The following OSBPL10 variants were observed in gnomAD, a reference collection of about 807,000 sequenced individuals.
The protein encoded by OSBPL10 is oxysterol-binding protein-related protein 10.
OSBPL10 carries 49 observed loss-of-function variants against 81.7 expected under a neutral mutation model. That is an observed-to-expected ratio of 0.60 (90% confidence interval 0.48 to 0.76). The LOEUF is 0.76. OSBPL10 is among the 30% of genes least tolerant of loss of function. The probability of loss-of-function intolerance (pLI) is 0.00; values close to 1 mark genes in which losing one functional copy is unlikely to be tolerated. For missense variants in OSBPL10, 923 were observed against 987.8 expected (o/e 0.93, Z 0.88); for synonymous variants, 419 against 383.6 (o/e 1.09, Z -1.08).
chr3:31,808,636 T>C (rs2125467286), intron 4 of OSBPL10, among the ~76,000 whole-genome samples: 1 of 152,298 alleles, frequency 6.6e-6, no homozygotes, highest in South Asian at 2.1e-4. Context: ...AATTTCAAAT[T>C]AAATAGAAAG....
intron 6 of OSBPL10, among the ~76,000 whole-genome samples, chr3:31,717,578 T>A (rs890955558): frequency 6.6e-6 from 1 of 152,148 alleles, no homozygotes; most frequent in Non-Finnish European, 1.5e-5. Context: ...AATGCCCCAT[T>A]ATAAAGCTGC....
chr3:31,962,682 G>C (rs1559533674), intron 1 of OSBPL10, among the ~76,000 whole-genome samples: 1 of 152,168 alleles, frequency 6.6e-6, no homozygotes, highest in Admixed American at 6.5e-5. Flanking sequence ...TGTAACGCAA[G>C]CTCCCTGAGA....
intron 1 of OSBPL10, among the ~76,000 whole-genome samples, chr3:31,939,184 G>A (rs1473246907): frequency 7.8e-5 from 10 of 127,520 alleles, no homozygotes; most frequent in Admixed American, 1.9e-4. Context: ...TCACTCTGTC[G>A]CCCAGGCTGG....
At chr3:31,685,107 G>C (rs1700758533) in intron 7 of OSBPL10, among the ~76,000 whole-genome samples, 1 of 152,162 alleles carries the variant, frequency 6.6e-6, no homozygotes, top group African/African-American at 2.4e-5. Context: ...AAACTGGGAA[G>C]CCCATAACTC....
chr3:31,864,383 A>G (rs770688867), intron 3 of OSBPL10, among the ~76,000 whole-genome samples: 10 of 152,098 alleles, frequency 6.6e-5, no homozygotes, highest in Non-Finnish European at 1.5e-4. Context: ...CTGGTATGAC[A>G]GACACACGCC....
At chr3:31,672,365 G>C (rs1464297087) in intron 8 of OSBPL10, among the ~76,000 whole-genome samples, 6 of 122,406 alleles carry the variant, frequency 4.9e-5, no homozygotes, top group African/African-American at 1.2e-4. Flanking sequence ...CGGGGGCGGG[G>C]GGGGGGGCAG....
At chr3:31,831,806 C>G (rs1700250119) in intron 3 of OSBPL10, among the ~76,000 whole-genome samples, 1 of 152,154 alleles carries the variant, frequency 6.6e-6, no homozygotes, top group Non-Finnish European at 1.5e-5. Flanking sequence ...ACCCTGAGAA[C>G]AGCAATCAGC....
At chr3:31,979,664 G>C (rs183741057) in intron 1 of OSBPL10, among the ~76,000 whole-genome samples, 22 of 151,748 alleles carry the variant, frequency 1.4e-4, no homozygotes, top group African/African-American at 4.6e-4. Flanking sequence ...TGTTCTCCTC[G>C]CACTGACACT....
At position 31,879,824 on chromosome 3, in the gene OSBPL10, G is replaced by T; in HGVS notation, c.288C>A (p.Phe96Leu). The T allele has an allele frequency of 6.2e-7, 1 of 1,613,462 alleles. No individual in the cohort carries two copies. The highest frequency in any genetic ancestry group is 8.5e-7 in the Non-Finnish European group (1 of 1,179,760). ...GGATGCCAGCCTCGAAATCCAGTAC[G>T]AAGTACCTGCACAGAGAAACCACAG... ...NLLQGWQNRY[F>L]VLDFEAGILQ... Residue 96 changes from phenylalanine to leucine, a missense_variant, in exon 2 of 12, where the codon TTC becomes TTA. By Grantham distance (22) the Phe-to-Leu change is conservative (BLOSUM62 0). This residue lies in a region of OSBPL10 where 514 missense variants were observed against 508.0 expected (regional missense o/e 1.01). Transcript: ENST00000396556.
At chr3:31,682,643 C>T (rs1042601318) in intron 8 of OSBPL10, among the ~76,000 whole-genome samples, 23 of 152,326 alleles carry the variant, frequency 1.5e-4, no homozygotes, top group Non-Finnish European at 2.6e-4. Context: ...TGGTCTTCCC[C>T]GGACCCCCAC....
Position 32,026,019 on chromosome 3 carries a change from G to C in OSBPL10, n.298+20472C>G, listed in dbSNP as rs1391289063. Among the ~76,000 whole-genome samples the C allele has an allele frequency of 3.4e-5, 4 of 117,372 alleles. No homozygotes were observed. In the East Asian group the frequency reaches 1.1e-3, roughly 32 times the overall value. 77.0% of individuals were successfully genotyped at this position (117,372 alleles called of 152,430 possible). On this transcript the variant is annotated intron_variant and non_coding_transcript_variant, in intron 2 of 3. Transcript: ENST00000479173. ...GCCTTTATATATACAGACATAGATA[G>C]ATAGATAGATAGATAGATAGATAGA...
chr3:31,816,462 C>T (rs181784053), intron 4 of OSBPL10, among the ~76,000 whole-genome samples: 1 of 152,276 alleles, frequency 6.6e-6, no homozygotes, highest in East Asian at 1.9e-4. Context: ...GGGACAGATA[C>T]AGATACGTGC....
chr3:31,697,321 C>A (rs1218469811), intron 7 of OSBPL10, among the ~76,000 whole-genome samples: 1 of 152,124 alleles, frequency 6.6e-6, no homozygotes, highest in African/African-American at 2.4e-5. Flanking sequence ...CAGTGAACAA[C>A]AGGCAAGACC....
Position 31,682,964 on chromosome 3 carries a change from T to A in OSBPL10, c.1726+670A>T, listed in dbSNP as rs146683635. ...CAAATTTGGAGTTAGATTCCTTTTT[T>A]CTAGGAAGAGAATCACAGCCTTAGA... On this transcript the variant is annotated intron_variant, in intron 8 of 11. Transcript: ENST00000396556. Among the ~76,000 whole-genome samples the A allele has an allele frequency of 6.2e-3, 942 of 152,282 alleles. 24 individuals carry two copies. The highest frequency in any genetic ancestry group is 0.054 in the Admixed American group (821 of 15,294).
chr3:32,025,557 G>A (rs1413599850), intron 2 of OSBPL10, among the ~76,000 whole-genome samples: 2 of 152,048 alleles, frequency 1.3e-5, no homozygotes, highest in African/African-American at 2.4e-5. Context: ...TCTATTTTCT[G>A]AAAGAACTTG....
intron 4 of OSBPL10, among the ~76,000 whole-genome samples, chr3:31,772,569 A>AC (rs1181492519): frequency 6.6e-6 from 1 of 152,028 alleles, no homozygotes; most frequent in African/African-American, 2.4e-5. Flanking sequence ...TGGGATTTGA[A>AC]CCCCCTCCAA....
chr3:31,972,197 T>C (rs1698586139), intron 1 of OSBPL10, among the ~76,000 whole-genome samples: 1 of 152,194 alleles, frequency 6.6e-6, no homozygotes, highest in South Asian at 2.1e-4. Context: ...AAGACCAGCC[T>C]GGCCAACATG....
At chr3:31,900,620 T>C (rs962712789) in intron 1 of OSBPL10, among the ~76,000 whole-genome samples, 3 of 152,252 alleles carry the variant, frequency 2.0e-5, no homozygotes, top group African/African-American at 7.2e-5. Context: ...AATTACTTTG[T>C]CTTTATTCTA....
intron 3 of OSBPL10, among the ~76,000 whole-genome samples, chr3:31,871,338 C>A (rs1029423857): frequency 6.6e-6 from 1 of 152,118 alleles, no homozygotes; most frequent in Admixed American, 6.5e-5. Flanking sequence ...CTACGAAGGA[C>A]TGCAGCTTCC....
Sources: gnomAD v4.1 joint callset for allele counts (sites outside exome capture counted in the v4.1 genomes callset) on GRCh38, gnomAD v4.1.1 for gene constraint, gnomAD v4.1.1 regional missense constraint, MANE v1.5 for transcripts, NCBI Gene and HGNC (gene_info 2026-07-23, HGNC 2026-07-21) for gene names.